Variants in SERGEF observed in about 807,000 individuals in gnomAD.
SERGEF encodes secretion regulating guanine nucleotide exchange factor.
Under a neutral mutation model 50.0 loss-of-function variants are expected in SERGEF, and 51 were observed. The ratio of observed to expected loss-of-function variants is 1.02; its 90% confidence interval spans 0.81 to 1.29. The LOEUF (loss-of-function observed/expected upper bound fraction) is 1.29. Ranked by LOEUF, SERGEF falls within the 50% of genes most tolerant of loss-of-function variation. SERGEF has a pLI of 0.00. For missense variants in SERGEF, 521 were observed against 557.0 expected, an observed-to-expected ratio of 0.94 and a Z score of 0.65; for synonymous variants, 205 against 212.4, an observed-to-expected ratio of 0.97 and a Z score of 0.30.
intron 10 of SERGEF, chr11:17,854,676 A>G (rs1850782401): frequency 6.6e-6 from 1 of 152,206 alleles, no homozygotes; most frequent in African/African-American, 2.4e-5. Context: ...TCACCAAAAT[A>G]TCTTAATTTG....
At chr11:17,969,170 T>C (rs1404292420) in intron 8 of SERGEF, among the ~76,000 whole-genome samples, 2 of 152,194 alleles carry the variant, frequency 1.3e-5, no homozygotes, top group African/African-American at 4.8e-5. Context: ...TGCTCTGAGA[T>C]GTGCCGGCTG....
chr11:17,828,939 C>G (rs1362142569), intron 10 of SERGEF, among the ~76,000 whole-genome samples: 2 of 152,186 alleles, frequency 1.3e-5, no homozygotes, highest in Non-Finnish European at 2.9e-5. Flanking sequence ...AAGTGTCTGG[C>G]ATAAAGTCAG....
intron 10 of SERGEF, among the ~76,000 whole-genome samples, chr11:17,816,147 T>C (rs1849971126): frequency 6.6e-6 from 1 of 152,196 alleles, no homozygotes; most frequent in African/African-American, 2.4e-5. Context: ...GCCCTCATTC[T>C]GCCTCTTCCA....
intron 10 of SERGEF, among the ~76,000 whole-genome samples, chr11:17,828,206 C>T (rs527793629): frequency 6.6e-5 from 10 of 152,186 alleles, no homozygotes; most frequent in Admixed American, 1.3e-4. Flanking sequence ...ATCTTACATG[C>T]GTGTGTGTTA....
chr11:17,969,532 A>C (rs546728358), intron 8 of SERGEF, among the ~76,000 whole-genome samples: 1 of 152,148 alleles, frequency 6.6e-6, no homozygotes, highest in Non-Finnish European at 1.5e-5. Context: ...GTGTGGGTGG[A>C]GGGGTGAGGG....
In SERGEF at chr11:17,887,693, A is replaced by G. The variant is rs769621363; in HGVS notation, c.1012-9449T>C. Among the ~76,000 whole-genome samples, 36 of 152,250 alleles carry G rather than the reference A, an allele frequency of 2.4e-4. 1 individual carries two copies. The highest frequency in any genetic ancestry group is 8.8e-5 in the Non-Finnish European group (6 of 68,042). On this transcript the variant is annotated intron_variant, in intron 9 of 10. Coordinates refer to ENST00000265965, the MANE Select transcript of SERGEF (RefSeq NM_012139.4). ...AGCTAAACACATATGTGGACACTCA[A>G]GTACCCAAAATAAATTATTGCTTAC...
intron 1 of SERGEF, among the ~76,000 whole-genome samples, chr11:18,009,890 T>C (rs1457829060): frequency 6.6e-6 from 1 of 152,184 alleles, no homozygotes; most frequent in Non-Finnish European, 1.5e-5. Flanking sequence ...AAAACAATAA[T>C]ATTTCTGCAT....
intron 6 of SERGEF, 60 bp downstream of exon 6, chr11:17,995,736 G>A (rs1853823829): frequency 2.6e-6 from 3 of 1,170,256 alleles, no homozygotes; most frequent in East Asian, 2.5e-5. Flanking sequence ...TCTTCTGCAT[G>A]TTTATGTCTC....
At chr11:17,975,771 C>T (rs866268814) in intron 8 of SERGEF, among the ~76,000 whole-genome samples, 3 of 152,332 alleles carry the variant, frequency 2.0e-5, no homozygotes, top group Middle Eastern at 3.4e-3. Flanking sequence ...CCACTACTCA[C>T]AGAGTAACGC....
chr11:17,939,499 A>G (rs956981997), intron 9 of SERGEF: 3 of 152,202 alleles, frequency 2.0e-5, no homozygotes, highest in Non-Finnish European at 4.4e-5. Context: ...AACACTCTGA[A>G]ATGCCATGAG....
At chr11:17,971,396 C>T (rs1233406020) in intron 8 of SERGEF, among the ~76,000 whole-genome samples, 1 of 152,170 alleles carries the variant, frequency 6.6e-6, no homozygotes, top group Non-Finnish European at 1.5e-5. Context: ...AGGGCTAATG[C>T]AGCTGGTGAC....
intron 9 of SERGEF, among the ~76,000 whole-genome samples, chr11:17,942,569 C>G (rs774516984): frequency 6.6e-6 from 1 of 151,898 alleles, no homozygotes; most frequent in Non-Finnish European, 1.5e-5. Context: ...ACAGATTTAC[C>G]TCTTCTTTTC....
chr11:17,998,064 T>C (rs1853874288), intron 5 of SERGEF, among the ~76,000 whole-genome samples: 2 of 152,012 alleles, frequency 1.3e-5, no homozygotes, highest in Admixed American at 1.3e-4. Flanking sequence ...AAAAAATAAT[T>C]TTTTAAAAAA....
chr11:17,986,039 G>A (rs748753046), intron 8 of SERGEF, among the ~76,000 whole-genome samples: 1 of 152,156 alleles, frequency 6.6e-6, no homozygotes, highest in Non-Finnish European at 1.5e-5. Context: ...ATGAGACTGA[G>A]AGCAGCCTCT....
At chr11:17,942,434 T>TA (rs906995576) in intron 9 of SERGEF, among the ~76,000 whole-genome samples, 34 of 151,510 alleles carry the variant, frequency 2.2e-4, no homozygotes, top group Non-Finnish European at 4.0e-4. Flanking sequence ...TGCTGCTATA[T>TA]AAAAAAAAAG....
chr11:17,885,792 A>C (rs1016853466), intron 9 of SERGEF, among the ~76,000 whole-genome samples: 1 of 151,732 alleles, frequency 6.6e-6, no homozygotes, highest in Non-Finnish European at 1.5e-5. Flanking sequence ...TTGTATCTTC[A>C]TTTGTACCAT....
intron 10 of SERGEF, among the ~76,000 whole-genome samples, chr11:17,834,049 G>C (rs954327919): frequency 6.6e-6 from 1 of 152,100 alleles, no homozygotes; most frequent in African/African-American, 2.4e-5. Context: ...ATTTGGGAGG[G>C]GCCAGGGTGA....
chr11:17,932,101 G>T lies in SERGEF; in HGVS notation c.1011+27369C>A, dbSNP rs188709660. On this transcript the variant is annotated intron_variant, in intron 9 of 10. Transcript: ENST00000265965. ...CAGAGAAGGAAGAGAAAGAAATGCT[G>T]TGCTACATGTATACATATGTAACAA... Among the ~76,000 whole-genome samples the T allele has an allele frequency of 2.6e-5, 4 of 152,256 alleles. No homozygotes were observed. The East Asian group carries it at 7.7e-4, about 29-fold the overall frequency.
chr11:17,895,675 TA>T lies in SERGEF; in HGVS notation c.1012-17432del, dbSNP rs1471697462. ...TAATAATTTTTAAATAAAGTTTATT[TA>T]TTTTTTTAGGTTATAAAAGTAATAT... On this transcript the variant is annotated intron_variant, in intron 9 of 10. Coordinates refer to ENST00000265965, the MANE Select transcript of SERGEF (RefSeq NM_012139.4). Among the ~76,000 whole-genome samples the T allele has an allele frequency of 2.0e-5, 3 of 152,350 alleles. 1 individual carries two copies. Among genetic ancestry groups the T allele is most frequent in the South Asian group, 4.1e-4 (2 of 4,830 alleles).
Sources: allele counts gnomAD v4.1 joint callset (sites outside exome capture counted in the v4.1 genomes callset), GRCh38; gene constraint gnomAD v4.1.1; transcripts MANE v1.5; gene names NCBI Gene and HGNC (gene_info 2026-07-23, HGNC 2026-07-21).